MAP3K20: variants seen among roughly 807,000 people sequenced by gnomAD.
MAP3K20 encodes the protein mitogen-activated protein kinase kinase kinase 20.
MAP3K20 carries 40 observed loss-of-function variants against 85.7 expected under a neutral mutation model. That is an observed-to-expected ratio of 0.47 (90% CI 0.36 to 0.61). The LOEUF is 0.61. Ranked by LOEUF, MAP3K20 falls within the 20% of genes least tolerant of loss-of-function variation. MAP3K20 has a pLI of 0.00. For synonymous variants in MAP3K20, 325 were observed against 327.7 expected (o/e 0.99, Z 0.09); for missense variants, 817 against 961.7 (o/e 0.85, Z 1.99).
chr2:173,149,223 A>C (rs1689225840), intron 2 of MAP3K20, among the ~76,000 whole-genome samples: 1 of 152,228 alleles, frequency 6.6e-6, no homozygotes, highest in Non-Finnish European at 1.5e-5. Flanking sequence ...TTCACTGTAC[A>C]AAGTGTTCTT....
At chr2:173,205,853 C>A (rs1023719696) in intron 9 of MAP3K20, among the ~76,000 whole-genome samples, 31 of 152,244 alleles carry the variant, frequency 2.0e-4, no homozygotes, top group African/African-American at 7.5e-4. Context: ...CTGCCCTGCT[C>A]CTTTTTAGTA....
chr2:173,266,774 T>A lies in MAP3K20; in HGVS notation c.*24T>A. On this transcript the variant is annotated 3_prime_UTR_variant, in exon 20 of 20. Transcript: ENST00000375213. ...GATGAATTGAACTACATAGCTTTTC[T>A]AAGCAGGTTAAAAAAAAAAAAAAAA... is the stretch of plus-strand genomic sequence containing the variant. 6 of 1,160,416 alleles carry A rather than the reference T, an allele frequency of 5.2e-6. No individual in the cohort carries two copies. Among genetic ancestry groups the A allele is most frequent in the Non-Finnish European group, 6.9e-6 (6 of 874,814 alleles). 71.9% of individuals were successfully genotyped at this position (1,160,416 alleles called of 1,614,324 possible).
chr2:173,224,575 T>C (rs1180594825), intron 11 of MAP3K20: 3 of 985,178 alleles, frequency 3.0e-6, no homozygotes, highest in African/African-American at 1.7e-5. Context: ...CTCATTACTC[T>C]ACCACCAAGA....
chr2:173,148,559 A>G lies in MAP3K20; in HGVS notation c.160-21246A>G, dbSNP rs1689204157. Among the ~76,000 whole-genome samples, 4 of 152,148 alleles carry G rather than the reference A, an allele frequency of 2.6e-5. No individual in the cohort carries two copies. In the South Asian group the frequency reaches 8.3e-4, roughly 32 times the overall value. Reference sequence around the variant, plus strand: ...GCAGACCTTCATAAACACCTTGCTAAATCTAGGACAGCAGGAAAGACAAGA... The same window carrying G: ...GCAGACCTTCATAAACACCTTGCTAGATCTAGGACAGCAGGAAAGACAAGA... On this transcript the variant is annotated intron_variant, in intron 2 of 19. Transcript: ENST00000375213.
Position 173,128,301 on chromosome 2 carries a change from A to ATAG in MAP3K20, c.159+37112_159+37113insAGT, listed in dbSNP as rs935795940. On this transcript the variant is annotated intron_variant, in intron 2 of 19. Transcript: ENST00000375213. ...CCAATCACAGCAGCATATGGAAAAC[A>ATAG]TTATAGTTGACTTATTTATTTATTT... Among the ~76,000 whole-genome samples the ATAG allele has an allele frequency of 1.7e-3, 174 of 101,532 alleles. 1 individual carries two copies. The highest frequency in any genetic ancestry group is 5.7e-3 in the African/African-American group (171 of 30,062). 66.6% of individuals were successfully genotyped at this position (101,532 alleles called of 152,430 possible). A position where few individuals can be genotyped will look rare whatever the true frequency, so the allele number is the denominator to read the frequency against.
At chr2:173,135,689 C>T (rs1186300143) in intron 2 of MAP3K20, among the ~76,000 whole-genome samples, 2 of 152,130 alleles carry the variant, frequency 1.3e-5, no homozygotes, top group East Asian at 1.9e-4. Context: ...TAGGTTTCTG[C>T]ACTTATAAAA....
At chr2:173,208,743 T>G (rs531373826) in intron 9 of MAP3K20, among the ~76,000 whole-genome samples, 1 of 152,228 alleles carries the variant, frequency 6.6e-6, no homozygotes, top group Non-Finnish European at 1.5e-5. Flanking sequence ...TCAACATTGT[T>G]TCTTCTTGTT....
intron 2 of MAP3K20, among the ~76,000 whole-genome samples, chr2:173,113,846 A>G (rs1219503147): frequency 6.6e-6 from 1 of 152,128 alleles, no homozygotes; most frequent in Non-Finnish European, 1.5e-5. Context: ...ACACTGTTGA[A>G]TAAAATGTGT....
intron 2 of MAP3K20, among the ~76,000 whole-genome samples, chr2:173,103,661 T>G (rs1021583650): frequency 6.6e-5 from 10 of 152,262 alleles, no homozygotes; most frequent in Admixed American, 1.3e-4. Context: ...GCACTTCGCA[T>G]AGATTCTCTA....
At chr2:173,200,115 T>A (rs1690996853) in intron 8 of MAP3K20, among the ~76,000 whole-genome samples, 1 of 152,246 alleles carries the variant, frequency 6.6e-6, no homozygotes, top group South Asian at 2.1e-4. Flanking sequence ...TTTTCTCAAC[T>A]TTCTAATGAA....
intron 11 of MAP3K20, among the ~76,000 whole-genome samples, chr2:173,218,920 CTT>C: frequency 6.6e-6 from 1 of 152,202 alleles, no homozygotes; most frequent in Non-Finnish European, 1.5e-5. Context: ...CCCCACAAAA[CTT>C]TCTGTGAAGG....
At chr2:173,125,686 G>A (rs917287963) in intron 2 of MAP3K20, among the ~76,000 whole-genome samples, 7 of 151,908 alleles carry the variant, frequency 4.6e-5, no homozygotes, top group Non-Finnish European at 8.8e-5. Context: ...TTTCTGAGAT[G>A]GAGTCTTGCT....
Position 173,092,054 on chromosome 2 carries a change from A to G in MAP3K20, c.159+864A>G, listed in dbSNP as rs73021635. Among the ~76,000 whole-genome samples, 710 of 152,304 alleles carry G rather than the reference A, an allele frequency of 4.7e-3. 8 individuals are homozygous for G. The highest frequency in any genetic ancestry group is 0.016 in the African/African-American group (685 of 41,562). On this transcript the variant is annotated intron_variant, in intron 2 of 19. Coordinates refer to ENST00000375213, the MANE Select transcript of MAP3K20 (RefSeq NM_016653.3). ...CATAAATATCCTTTAATCTCCCTGA[A>G]TGATTTCATTTTTTTCATTAACTGC...
intron 1 of MAP3K20, among the ~76,000 whole-genome samples, chr2:173,088,315 C>G (rs901394967): frequency 2.0e-5 from 3 of 152,178 alleles, no homozygotes; most frequent in Admixed American, 1.3e-4. Flanking sequence ...TAAACACTGA[C>G]TATTGACTTA....
In MAP3K20 at chr2:173,091,033, TGTC is replaced by T; in HGVS notation, c.6_8del (p.Ser3?). The stretch of plus-strand genomic sequence containing the variant: ...AGTATAATACTTTGTCATTATGAGA[TGTC>T]GTCTCTCGGTGCCTCCTTTGTGCAA... On this transcript the variant is annotated start_lost and inframe_deletion, in exon 2 of 20. Coordinates refer to ENST00000375213, the MANE Select transcript of MAP3K20 (RefSeq NM_016653.3). 6.2e-7 allele frequency: 1 copy of T among 1,609,060 alleles called. No homozygotes were observed. The highest frequency in any genetic ancestry group is 8.5e-7 in the Non-Finnish European group (1 of 1,178,376).
At chr2:173,086,810 C>G (rs1436560307) in intron 1 of MAP3K20, among the ~76,000 whole-genome samples, 1 of 152,230 alleles carries the variant, frequency 6.6e-6, no homozygotes, top group East Asian at 1.9e-4. Context: ...ATACTGATCT[C>G]ATCCTGCTTC....
At chr2:173,179,391 CAAA>C (rs56111907) in intron 3 of MAP3K20, among the ~76,000 whole-genome samples, 1 of 129,502 alleles carries the variant, frequency 7.7e-6, no homozygotes. Context: ...GACTCCATCT[CAAA>C]AAAAAAAAAA....
At chr2:173,117,341 C>G (rs1484329456) in intron 2 of MAP3K20, among the ~76,000 whole-genome samples, 1 of 152,060 alleles carries the variant, frequency 6.6e-6, no homozygotes, top group African/African-American at 2.4e-5. Flanking sequence ...TGCAGTGGCA[C>G]AATCACGGCT....
intron 3 of MAP3K20, among the ~76,000 whole-genome samples, chr2:173,176,705 C>T (rs1396459861): frequency 1.3e-5 from 2 of 152,106 alleles, no homozygotes; most frequent in African/African-American, 4.8e-5. Flanking sequence ...TCAATAATCA[C>T]ATTATATGTA....
Sources: allele counts gnomAD v4.1 joint callset (sites outside exome capture counted in the v4.1 genomes callset), GRCh38; gene constraint gnomAD v4.1.1; transcripts MANE v1.5; gene names NCBI Gene and HGNC (gene_info 2026-07-23, HGNC 2026-07-21).